Variants in RFX7 observed in about 807,000 individuals in gnomAD.
RFX7 encodes DNA-binding protein RFX7.
A neutral mutation model predicts 111.8 loss-of-function variants in RFX7; 26 were observed. The observed-to-expected ratio is 0.23, with a 90% confidence interval of 0.17 to 0.32. RFX7 has a LOEUF of 0.32. Ranked by LOEUF, RFX7 falls within the 10% of genes least tolerant of loss-of-function variation. The pLI, the probability that RFX7 is intolerant of heterozygous loss-of-function variation, is 1.00. For synonymous variants in RFX7, 624 were observed against 624.4 expected (o/e 1.00, Z 0.01); for missense variants, 1,573 against 1,772.9 (o/e 0.89, Z 2.02).
intron 5 of RFX7, among the ~76,000 whole-genome samples, chr15:56,137,460 T>C (rs1194883757): frequency 2.6e-5 from 4 of 152,206 alleles, no homozygotes; most frequent in African/African-American, 9.6e-5. Flanking sequence ...TTGGTGGTGA[T>C]ATCCCCTTTA....
chr15:56,126,786 C>A, intron 5 of RFX7, among the ~76,000 whole-genome samples: 2 of 151,720 alleles, frequency 1.3e-5, no homozygotes, highest in Non-Finnish European at 1.5e-5. Flanking sequence ...GAACTGTTAC[C>A]AAAGATATTA....
intron 2 of RFX7, among the ~76,000 whole-genome samples, chr15:56,231,867 G>A (rs1350578102): frequency 1.3e-5 from 2 of 152,174 alleles, no homozygotes; most frequent in Non-Finnish European, 2.9e-5. Context: ...GGGAGAAATT[G>A]TTCAAACGAA....
chr15:56,234,239 C>T (rs1257459404), intron 2 of RFX7, among the ~76,000 whole-genome samples: 2 of 152,152 alleles, frequency 1.3e-5, no homozygotes, highest in African/African-American at 2.4e-5. Context: ...ATGAGTCTCC[C>T]ACAAAAGAGG....
At chr15:56,237,665 T>C (rs2043639293) in intron 2 of RFX7, among the ~76,000 whole-genome samples, 1 of 152,188 alleles carries the variant, frequency 6.6e-6, no homozygotes, top group Non-Finnish European at 1.5e-5. Context: ...TCAAGACACC[T>C]TTCAATGGAG....
chr15:56,233,849 T>C (rs1167946385), intron 2 of RFX7, among the ~76,000 whole-genome samples: 2 of 152,208 alleles, frequency 1.3e-5, no homozygotes, highest in East Asian at 1.9e-4. Flanking sequence ...CTTTATATTC[T>C]TTCTTCTACT....
intron 2 of RFX7, among the ~76,000 whole-genome samples, chr15:56,238,191 C>T (rs2043645989): frequency 6.6e-6 from 1 of 152,148 alleles, no homozygotes; most frequent in African/African-American, 2.4e-5. Flanking sequence ...GGATGGCGGA[C>T]TGTAATCAGA....
chr15:56,102,703 C>T (rs920454395), intron 6 of RFX7, among the ~76,000 whole-genome samples: 7 of 152,120 alleles, frequency 4.6e-5, no homozygotes, highest in African/African-American at 1.4e-4. Flanking sequence ...ACAGGATTAT[C>T]GCCTGTAACA....
chr15:56,096,456 A>C lies in RFX7; in HGVS notation c.1272T>G (p.Ser424=), dbSNP rs778400412. 7 of 1,612,560 alleles carry C rather than the reference A, an allele frequency of 4.3e-6. No homozygotes were observed. Among genetic ancestry groups the C allele is most frequent in the Non-Finnish European group, 5.9e-6 (7 of 1,179,292 alleles). Residue 424 remains serine (S), a synonymous_variant, in exon 10 of 10, where the codon TCT becomes TCG. Coordinates refer to ENST00000559447, the MANE Select transcript of RFX7 (RefSeq NM_022841.7). The part of the protein sequence containing the change: ...NVPASPGGDR[S]ARHRYPQILP... ...AGATCTGAGGGTAACGGTGCCGGGC[A>C]GAACGATCCCCACCAGGACTGGCTG...
intron 2 of RFX7, among the ~76,000 whole-genome samples, chr15:56,226,220 C>A (rs1211331338): frequency 6.6e-6 from 1 of 152,046 alleles, no homozygotes; most frequent in African/African-American, 2.4e-5. Flanking sequence ...AAAATGTAAT[C>A]CATATTTATT....
chr15:56,113,653 G>A (rs1415538836), intron 5 of RFX7, among the ~76,000 whole-genome samples: 4 of 140,816 alleles, frequency 2.8e-5, no homozygotes, highest in African/African-American at 7.8e-5. Context: ...ATCCCGGAAT[G>A]TAGAGTAAAA....
intron 2 of RFX7, among the ~76,000 whole-genome samples, chr15:56,199,227 T>G (rs1262348883): frequency 6.6e-6 from 1 of 152,188 alleles, no homozygotes; most frequent in Non-Finnish European, 1.5e-5. Flanking sequence ...CAGTATTTAC[T>G]TAAGTTACCA....
At chr15:56,202,938 G>C (rs10518842) in intron 2 of RFX7, among the ~76,000 whole-genome samples, 19,820 of 152,262 alleles carry the variant, frequency 0.13, 1,679 homozygotes, top group East Asian at 0.44. Context: ...CTTGGGTAGA[G>C]TGCCATCAAT....
Position 56,094,807 on chromosome 15 carries a change from C to A in RFX7, c.2921G>T (p.Ser974Ile). 1 of 1,589,844 alleles carries A rather than the reference C, an allele frequency of 6.3e-7. No individual in the cohort carries two copies. Among genetic ancestry groups the A allele is most frequent in the South Asian group, 1.1e-5 (1 of 87,462 alleles). The change falls in exon 10 of 10, where the codon AGT becomes ATT. Residue 974 changes from serine to isoleucine, a missense_variant. Ser to Ile is a moderately radical substitution (Grantham distance 142). Around this residue, in one of 7 missense-constraint regions of RFX7, gnomAD observed 625 missense variants for 632.2 expected, o/e 0.99. Transcript: ENST00000559447. ...GGAGCAAGGGCTCTCCCGTGACAGA[C>A]TCTGAGATCCAGCAATCATTTCAGA... ...PTSEMIAGSQ[S>I]LSRESPCSRL...
In RFX7 at chr15:56,095,693, G is replaced by C. The variant is rs748737694; in HGVS notation, c.2035C>G (p.Gln679Glu). 2 of 1,613,878 alleles carry C rather than the reference G, an allele frequency of 1.2e-6. No individual in the cohort carries two copies. Among genetic ancestry groups the C allele is most frequent in the Admixed American group, 3.3e-5 (2 of 60,004 alleles). ...VPPVKKPIVE[Q>E]LSAATIEGQK... ...CCTTCTATGGTAGCTGCTGAAAGCT[G>C]TTCCACAATTGGTTTCTTTACAGGA... Residue 679 changes from glutamine to glutamate, a missense_variant, in exon 10 of 10, where the codon CAG becomes GAG. By Grantham distance (29) the Gln-to-Glu change is conservative. Around this residue, in one of 7 missense-constraint regions of RFX7, gnomAD observed 625 missense variants for 632.2 expected, o/e 0.99. Coordinates refer to ENST00000559447, the MANE Select transcript of RFX7 (RefSeq NM_022841.7).
intron 2 of RFX7, 60 bp downstream of exon 2, chr15:56,243,065 C>A: frequency 8.7e-7 from 1 of 1,152,186 alleles, no homozygotes; most frequent in East Asian, 5.2e-5. Flanking sequence ...CGCCCCCCAC[C>A]CACTTTGCAG....
Position 56,116,555 on chromosome 15 carries a change from A to C in RFX7, c.402-12885T>G, listed in dbSNP as rs534780683. ...TGTCAGTAGAAAATGAGTGAGATGT[A>C]GTTACCTACCATTCATGAATGTATA... On this transcript the variant is annotated intron_variant, in intron 5 of 9. Coordinates refer to ENST00000559447, the MANE Select transcript of RFX7 (RefSeq NM_022841.7). Among the ~76,000 whole-genome samples the C allele has an allele frequency of 1.3e-4, 20 of 152,346 alleles. 1 individual carries two copies. In the South Asian group the frequency reaches 3.3e-3, roughly 25 times the overall value.
chr15:56,222,542 T>C (rs1271857551), intron 2 of RFX7, among the ~76,000 whole-genome samples: 2 of 152,214 alleles, frequency 1.3e-5, no homozygotes, highest in Admixed American at 6.5e-5. Flanking sequence ...CCTCTCCTTT[T>C]TTCTCTCTGT....
intron 2 of RFX7, among the ~76,000 whole-genome samples, chr15:56,214,160 C>T (rs188256351): frequency 2.6e-4 from 39 of 152,278 alleles, no homozygotes; most frequent in Non-Finnish European, 5.0e-4. Flanking sequence ...ATTATAGTAA[C>T]TCTTGGCATT....
At chr15:56,106,824 A>G (rs550985694) in intron 5 of RFX7, among the ~76,000 whole-genome samples, 1 of 152,304 alleles carries the variant, frequency 6.6e-6, no homozygotes, top group East Asian at 1.9e-4. Context: ...TGGTCATTCC[A>G]GGCCATGTGG....
Sources: allele counts gnomAD v4.1 joint callset (sites outside exome capture counted in the v4.1 genomes callset), GRCh38; gene constraint gnomAD v4.1.1; regional missense constraint gnomAD v4.1.1; transcripts MANE v1.5; gene names NCBI Gene and HGNC (gene_info 2026-07-23, HGNC 2026-07-21).